The following CLASRP variants were observed in gnomAD, a reference collection of about 807,000 sequenced individuals.
CLASRP encodes CLK4-associating serine/arginine rich protein.
CLASRP carries 52 observed loss-of-function variants against 99.9 expected under a neutral mutation model. That is an observed-to-expected ratio of 0.52 (90% confidence interval 0.42 to 0.66). The LOEUF is 0.66. CLASRP is among the 30% of genes least tolerant of loss of function. The pLI is 0.00. For missense variants in CLASRP, 848 were observed against 999.2 expected, an observed-to-expected ratio of 0.85 and a Z score of 2.04; for synonymous variants, 379 against 373.0, an observed-to-expected ratio of 1.02 and a Z score of -0.18.
At position 45,068,398 on chromosome 19, in the gene CLASRP, G is replaced by A. The variant is rs376718645; in HGVS notation, c.1708-22G>A. On this transcript the variant is annotated intron_variant, in intron 15 of 20. Coordinates refer to ENST00000221455, the MANE Select transcript of CLASRP (RefSeq NM_007056.3). Reference sequence around the variant, plus strand: ...CTCTGGGACACCCACCCCCTCTCCCGCCTCTTCTCCCCCCTCCCCAGCCCA... The same window carrying A: ...CTCTGGGACACCCACCCCCTCTCCCACCTCTTCTCCCCCCTCCCCAGCCCA... The A allele has an allele frequency of 5.4e-5, 52 of 965,162 alleles. No homozygotes were observed. The East Asian group carries it at 1.1e-3, about 20-fold the overall frequency. 59.8% of individuals were successfully genotyped at this position (965,162 alleles called of 1,614,324 possible).
In CLASRP at chr19:45,057,848, C is replaced by T. The variant is rs1461623115; in HGVS notation, c.563C>T (p.Ala188Val). 3.1e-6 allele frequency: 5 copies of T among 1,613,894 alleles called. No individual in the cohort carries two copies. The highest frequency in any genetic ancestry group is 1.1e-5 in the South Asian group (1 of 91,086). The change falls in exon 7 of 21, where the codon GCG becomes GTG. Residue 188 changes from alanine (A) to valine (V), a missense_variant. Around this residue, in one of 8 missense-constraint regions of CLASRP, gnomAD observed 119 missense variants for 170.2 expected, o/e 0.70. Transcript: ENST00000221455. ...AAEKPEEEESAAEEESNSDED... is the reference protein window; with the variant it reads ...AAEKPEEEESVAEEESNSDED... Reference sequence around the variant, plus strand: ...GAAAAGCCAGAGGAGGAGGAGTCAGCGGCCGAGGAGGAGAGCAACTCGGAC... The same window carrying T: ...GAAAAGCCAGAGGAGGAGGAGTCAGTGGCCGAGGAGGAGAGCAACTCGGAC...
At chr19:45,043,013 C>T (rs1971842297) in intron 2 of CLASRP, among the ~76,000 whole-genome samples, 1 of 152,080 alleles carries the variant, frequency 6.6e-6, no homozygotes, top group African/African-American at 2.4e-5. Context: ...TTGTTTCATG[C>T]ACAAAATTAT....
At chr19:45,065,781 A>G (rs1381642244) in intron 13 of CLASRP, among the ~76,000 whole-genome samples, 1 of 152,058 alleles carries the variant, frequency 6.6e-6, no homozygotes, top group Admixed American at 6.5e-5. Flanking sequence ...CTGGGCCTCT[A>G]ATTCTGTAAA....
intron 7 of CLASRP, among the ~76,000 whole-genome samples, chr19:45,058,481 G>A (rs990894002): frequency 2.0e-5 from 3 of 152,092 alleles, no homozygotes; most frequent in African/African-American, 7.2e-5. Flanking sequence ...CACCTCCTGG[G>A]TTCAAGTGAT....
chr19:45,052,143 C>A lies in CLASRP; in HGVS notation c.172C>A (p.Leu58Met). ...CKVHLDSAVA[L>M]AAESPVNMMP... ...GGTGCACCTGGATTCTGCAGTCGCC[C>A]TGGCCGCTGAGAGCCCTGTTAATAT... The change falls in exon 3 of 21, where the codon CTG becomes ATG. Residue 58 changes from leucine to methionine, a missense_variant. By Grantham distance (15) the Leu-to-Met change is conservative. Transcript: ENST00000221455. The A allele has an allele frequency of 6.2e-7, 1 of 1,613,992 alleles. No individual in the cohort carries two copies. The highest frequency in any genetic ancestry group is 8.5e-7 in the Non-Finnish European group (1 of 1,179,996).
intron 6 of CLASRP, 130 bp from the exon 7 acceptor site, chr19:45,057,620 G>A: frequency 9.7e-7 from 1 of 1,025,756 alleles, no homozygotes; most frequent in South Asian, 1.5e-5. Flanking sequence ...GTGGGCAGGA[G>A]CAGAGGGTCC....
intron 5 of CLASRP, among the ~76,000 whole-genome samples, chr19:45,053,819 A>G (rs958750138): frequency 1.3e-5 from 2 of 152,032 alleles, no homozygotes; most frequent in African/African-American, 2.4e-5. Context: ...ATGGGGTCTC[A>G]CTGTGTTGTC....
rs768818706 is a variant in CLASRP, at chr19:45,052,863, C to T, written c.270C>T (p.Pro90=). The change falls in exon 4 of 21, where the codon CCC becomes CCT. Residue 90 remains proline (P), a synonymous_variant. Transcript: ENST00000221455. ...FDVRAHLDHI[P]DYTPPLLTTI... is the part of the protein sequence containing the mutation. The stretch of plus-strand genomic sequence containing the variant: ...TCCGTGCCCACCTGGACCACATCCC[C>T]GACTACACCCCCCCTCTGCTCACCA... The T allele has an allele frequency of 1.1e-5, 18 of 1,612,072 alleles. No homozygotes were observed. The highest frequency in any genetic ancestry group is 4.0e-5 in the African/African-American group (3 of 74,830).
Position 45,060,292 on chromosome 19 carries a change from G to T in CLASRP, c.711-97G>T. 9.2e-7 allele frequency: 1 copy of T among 1,081,476 alleles called. No individual in the cohort carries two copies. Among genetic ancestry groups the T allele is most frequent in the Non-Finnish European group, 1.4e-6 (1 of 702,836 alleles). 67.0% of individuals were successfully genotyped at this position (1,081,476 alleles called of 1,614,324 possible). On this transcript the variant is annotated intron_variant, in intron 8 of 20. Coordinates refer to ENST00000221455, the MANE Select transcript of CLASRP (RefSeq NM_007056.3). The surrounding 1 kb of genome is among the most constrained non-coding windows in gnomAD (Gnocchi z 4.6). ...AAGATACCTCAGGCTGGCGTGGGGT[G>T]ACTCAGGTCCCTCACTTTCTCTGAT...
chr19:45,069,910 C>A, intron 18 of CLASRP, 112 bp from the exon 19 acceptor site: 1 of 656,280 alleles, frequency 1.5e-6, no homozygotes, highest in South Asian at 1.8e-5. Flanking sequence ...GTGGCAGTAC[C>A]GGCCCCCTTG....
At chr19:45,070,416 G>A in intron 19 of CLASRP, 121 bp from the exon 20 acceptor site, 1 of 897,968 alleles carries the variant, frequency 1.1e-6, no homozygotes, top group Non-Finnish European at 1.9e-6. Context: ...GGACTCTCTG[G>A]AAATGTCCCC....
intron 2 of CLASRP, among the ~76,000 whole-genome samples, chr19:45,045,168 C>G (rs1246706579): frequency 6.6e-6 from 1 of 152,154 alleles, no homozygotes; most frequent in Non-Finnish European, 1.5e-5. Flanking sequence ...TTCATTCTAT[C>G]CAGCAGGGAG....
intron 2 of CLASRP, among the ~76,000 whole-genome samples, chr19:45,047,088 C>T (rs749740092): frequency 7.2e-5 from 11 of 151,938 alleles, no homozygotes; most frequent in Non-Finnish European, 1.3e-4. Context: ...TTCATTACAG[C>T]ATTATTAGCA....
Position 45,064,455 on chromosome 19 carries a change from G to T in CLASRP, c.1234G>T (p.Gly412Cys), listed in dbSNP as rs1189209673. ...CCGTGGTGGGGGCTACTACCGTTCC[G>T]GCCGCCACGCCCGCTCCCGGTCCCG... ...SRRGGGYYRS[G>C]RHARSRSRSW... Residue 412 changes from glycine (G) to cysteine (C), a missense_variant, in exon 13 of 21, where the codon GGC becomes TGC. Physicochemically the swap from Gly to Cys is radical, Grantham distance 159. Coordinates refer to ENST00000221455, the MANE Select transcript of CLASRP (RefSeq NM_007056.3). 11 of 1,527,190 alleles carry T rather than the reference G, an allele frequency of 7.2e-6. No individual in the cohort carries two copies. The highest frequency in any genetic ancestry group is 1.2e-5 in the South Asian group (1 of 83,744). The allele number at this position is 1,527,190 out of a possible 1,614,324, so 94.6% of individuals were successfully genotyped here.
chr19:45,049,804 C>G lies in CLASRP; in HGVS notation c.100-2267C>G, dbSNP rs555860586. 1.7e-4 allele frequency among the ~76,000 whole-genome samples: 26 copies of G among 152,290 alleles called. 1 individual carries two copies. In the East Asian group the frequency reaches 4.8e-3, roughly 28 times the overall value. ...TAGGGATATAGCAGCCAAAACAGAG[C>G]CCTGCCTCCTGGGAGTTACGTTCTA... On this transcript the variant is annotated intron_variant, in intron 2 of 20. Transcript: ENST00000221455.
At position 45,067,204 on chromosome 19, in the gene CLASRP, T is replaced by G. The variant is rs1446630018; in HGVS notation, c.1410-133T>G. The G allele has an allele frequency of 9.7e-7, 1 of 1,036,140 alleles. No homozygotes were observed. The highest frequency in any genetic ancestry group is 1.3e-6 in the Non-Finnish European group (1 of 742,956). The allele number at this position is 1,036,140 out of a possible 1,614,324, so 64.2% of individuals were successfully genotyped here. On this transcript the variant is annotated intron_variant, in intron 13 of 20. Transcript: ENST00000221455. This position sits in a 1 kb window ranked among gnomAD's most constrained non-coding sequence, Gnocchi z 4.9. ...GCTCTGGGACATTTTGGAGGGAGAG[T>G]AGCAGGAGAGGAGAGTCGAGCCTGT...
intron 3 of CLASRP, among the ~76,000 whole-genome samples, chr19:45,052,505 G>T (rs997749354): frequency 6.6e-6 from 1 of 152,142 alleles, no homozygotes; most frequent in African/African-American, 2.4e-5. Flanking sequence ...CTAGGACCTG[G>T]TTCAAGTTCC....
chr19:45,070,245 T>A, intron 19 of CLASRP, 141 bp downstream of exon 19: 2 of 683,482 alleles, frequency 2.9e-6, no homozygotes, highest in Non-Finnish European at 5.3e-6. Context: ...GGTGGGTGGA[T>A]CAATCACCTG....
At position 45,068,524 on chromosome 19, in the gene CLASRP, C is replaced by T. The variant is rs541316444; in HGVS notation, c.1768+44C>T. The T allele has an allele frequency of 1.5e-5, 21 of 1,414,606 alleles. No individual in the cohort carries two copies. The African/African-American group carries it at 2.1e-4, about 14-fold the overall frequency. The allele number at this position is 1,414,606 out of a possible 1,614,324, so 87.6% of individuals were successfully genotyped here. On this transcript the variant is annotated intron_variant, in intron 16 of 20. Coordinates refer to ENST00000221455, the MANE Select transcript of CLASRP (RefSeq NM_007056.3). Reference sequence around the variant, plus strand: ...CTCCAGGGTTTCACAGCTCTTCTTTCCCTTGGCAGTGGGAGCAAGGAGACT... The same window carrying T: ...CTCCAGGGTTTCACAGCTCTTCTTTTCCTTGGCAGTGGGAGCAAGGAGACT...
Sources: gnomAD v4.1 joint callset for allele counts (sites outside exome capture counted in the v4.1 genomes callset) on GRCh38, gnomAD v4.1.1 for gene constraint, gnomAD v4.1.1 regional missense constraint, Gnocchi (gnomAD v3.1) non-coding constraint, MANE v1.5 for transcripts, NCBI Gene and HGNC (gene_info 2026-07-23, HGNC 2026-07-21) for gene names.